The following RNF180 variants were observed in gnomAD, a reference collection of about 807,000 sequenced individuals.
The protein encoded by RNF180 is E3 ubiquitin-protein ligase RNF180.
In RNF180, 38 loss-of-function variants were observed where a neutral mutation model predicts 59.2. The ratio of observed to expected loss-of-function variants is 0.64; its 90% CI spans 0.50 to 0.84. The LOEUF (loss-of-function observed/expected upper bound fraction) is 0.84, where lower values mean the gene tolerates loss of function less well. RNF180 is among the 40% of genes least tolerant of loss of function. The pLI is 0.00. For missense variants in RNF180, 705 were observed against 700.9 expected (o/e 1.01, Z -0.07); for synonymous variants, 262 against 240.3 (o/e 1.09, Z -0.84).
chr5:64,210,488 A>G lies in RNF180; in HGVS notation c.136-1577A>G, dbSNP rs188057863. Among the ~76,000 whole-genome samples, 5 of 152,280 alleles carry G rather than the reference A, an allele frequency of 3.3e-5. No individual in the cohort carries two copies. The East Asian group carries it at 5.8e-4, about 18-fold the overall frequency. On this transcript the variant is annotated intron_variant, in intron 2 of 7. Coordinates refer to ENST00000389100, the MANE Select transcript of RNF180 (RefSeq NM_001113561.2). ...CTTTTGAGGGGGAAAATCTGATAAC[A>G]TCTGTTTATATTTGTATTATGTTGT... is the stretch of plus-strand genomic sequence containing the variant.
chr5:64,283,543 A>C (rs1742121691), intron 5 of RNF180, among the ~76,000 whole-genome samples: 1 of 152,140 alleles, frequency 6.6e-6, no homozygotes, highest in Non-Finnish European at 1.5e-5. Flanking sequence ...GCACATGTCA[A>C]GGGCAGGACC....
chr5:64,235,046 G>A (rs1197997179), intron 5 of RNF180, among the ~76,000 whole-genome samples: 1 of 152,176 alleles, frequency 6.6e-6, no homozygotes. Context: ...GGAGGCCAGG[G>A]CAGGAGGATC....
At chr5:64,237,330 G>T (rs1202771313) in intron 5 of RNF180, among the ~76,000 whole-genome samples, 1 of 152,088 alleles carries the variant, frequency 6.6e-6, no homozygotes, top group East Asian at 1.9e-4. Context: ...CCGGCCAGGT[G>T]TCAGGCTTGT....
intron 1 of RNF180, among the ~76,000 whole-genome samples, chr5:64,179,283 T>C (rs553950281): frequency 6.6e-6 from 1 of 152,298 alleles, no homozygotes; most frequent in Non-Finnish European, 1.5e-5. Flanking sequence ...TCTCACCACT[T>C]AGTATTAGAA....
chr5:64,213,984 G>T lies in RNF180; in HGVS notation c.658G>T (p.Ala220Ser), dbSNP rs747322087. The T allele has an allele frequency of 1.9e-6, 3 of 1,613,948 alleles. No individual in the cohort carries two copies. The highest frequency in any genetic ancestry group is 2.2e-5 in the East Asian group (1 of 44,898). Residue 220 changes from alanine (A) to serine (S), a missense_variant, in exon 4 of 8, where the codon GCT (alanine) becomes TCT (serine). Ala to Ser is a moderately conservative substitution (Grantham distance 99). Coordinates refer to ENST00000389100, the MANE Select transcript of RNF180 (RefSeq NM_001113561.2). Reference sequence around the variant, plus strand: ...TCCCCAGCTTGTGACTGGCAGATGCGCTACAAGAGCTTTTCATAGAAAATC... The same window carrying T: ...TCCCCAGCTTGTGACTGGCAGATGCTCTACAAGAGCTTTTCATAGAAAATC... ...FVPQLVTGRC[A>S]TRAFHRKSHS...
intron 7 of RNF180, among the ~76,000 whole-genome samples, chr5:64,349,530 A>G (rs936241372): frequency 4.0e-5 from 6 of 151,650 alleles, no homozygotes; most frequent in Non-Finnish European, 8.8e-5. Context: ...TGCTGCACCC[A>G]TTAACTCATC....
intron 5 of RNF180, among the ~76,000 whole-genome samples, chr5:64,225,713 C>CAT: frequency 7.6e-6 from 1 of 131,522 alleles, no homozygotes; most frequent in African/African-American, 2.9e-5. Context: ...CCTGGCCGCC[C>CAT]CGTCTGGGAA....
chr5:64,276,338 G>A (rs1196485651), intron 5 of RNF180, among the ~76,000 whole-genome samples: 4 of 147,450 alleles, frequency 2.7e-5, no homozygotes, highest in Non-Finnish European at 4.5e-5. Flanking sequence ...GTGTGTGTGT[G>A]TGTGTGTGTG....
chr5:64,282,755 A>G (rs1329644554), intron 5 of RNF180, among the ~76,000 whole-genome samples: 1 of 152,118 alleles, frequency 6.6e-6, no homozygotes, highest in African/African-American at 2.4e-5. Flanking sequence ...TGTTTTAAAT[A>G]ATTTCTTGAT....
intron 7 of RNF180, among the ~76,000 whole-genome samples, chr5:64,357,342 C>T (rs1746068993): frequency 6.6e-6 from 1 of 151,792 alleles, no homozygotes; most frequent in Non-Finnish European, 1.5e-5. Context: ...CAACTTTTGA[C>T]ATAACAAAAT....
At chr5:64,285,106 TG>T (rs1742212347) in intron 5 of RNF180, among the ~76,000 whole-genome samples, 1 of 152,234 alleles carries the variant, frequency 6.6e-6, no homozygotes. Context: ...TCAGCACTCC[TG>T]GGCTACAAGC....
chr5:64,260,816 A>C (rs1453192859), intron 5 of RNF180, among the ~76,000 whole-genome samples: 1 of 152,106 alleles, frequency 6.6e-6, no homozygotes. Flanking sequence ...GTCTTAAAAG[A>C]CTGTGGTAGG....
chr5:64,204,056 C>A (rs1360007240), intron 2 of RNF180, among the ~76,000 whole-genome samples: 2 of 152,106 alleles, frequency 1.3e-5, no homozygotes, highest in Non-Finnish European at 2.9e-5. Context: ...TATGAACTTT[C>A]TGTAAATGAA....
intron 5 of RNF180, among the ~76,000 whole-genome samples, chr5:64,297,467 G>T (rs1742944205): frequency 6.6e-6 from 1 of 151,332 alleles, no homozygotes; most frequent in Admixed American, 6.6e-5. Flanking sequence ...TTCTTTTTTT[G>T]GTATTTTGTT....
intron 5 of RNF180, among the ~76,000 whole-genome samples, chr5:64,323,644 G>C (rs1033753996): frequency 6.6e-6 from 1 of 152,094 alleles, no homozygotes; most frequent in Admixed American, 6.6e-5. Context: ...CATTCTCAAG[G>C]CTTTAGCAAA....
chr5:64,214,261 G>A lies in RNF180; in HGVS notation c.935G>A (p.Cys312Tyr), dbSNP rs1328647748. The change falls in exon 4 of 8, where the codon TGT (cysteine) becomes TAT (tyrosine). Residue 312 changes from cysteine to tyrosine, a missense_variant. Coordinates refer to ENST00000389100, the MANE Select transcript of RNF180 (RefSeq NM_001113561.2). ...TQTQRGGEFQ[C>Y]GLEAASVYSD... ...ACACAAAGAGGAGGAGAATTTCAGT[G>A]TGGTCTAGAAGCTGCTTCAGTGTAT... The A allele has an allele frequency of 8.1e-6, 13 of 1,613,938 alleles. No individual in the cohort carries two copies. Among genetic ancestry groups the A allele is most frequent in the African/African-American group, 1.3e-5 (1 of 74,906 alleles).
intron 7 of RNF180, among the ~76,000 whole-genome samples, chr5:64,366,928 C>T (rs528734813): frequency 1.3e-5 from 2 of 151,578 alleles, no homozygotes; most frequent in East Asian, 3.9e-4. Context: ...CTCCATGGTA[C>T]ATATGGCCAA....
Position 64,366,629 on chromosome 5 carries a change from A to T in RNF180, c.1580-2986A>T, listed in dbSNP as rs116238034. Among the ~76,000 whole-genome samples the T allele has an allele frequency of 7.6e-3, 1,153 of 151,680 alleles. 14 individuals are homozygous for T. The highest frequency in any genetic ancestry group is 0.025 in the African/African-American group (1,032 of 41,488). Reference sequence around the variant, plus strand: ...AGTAACAGTTTAGATAAAGCAGAAGAAAAAATGTCAGAACTTTAAGACAGG... The same window carrying T: ...AGTAACAGTTTAGATAAAGCAGAAGTAAAAATGTCAGAACTTTAAGACAGG... On this transcript the variant is annotated intron_variant, in intron 7 of 7. Transcript: ENST00000389100.
At chr5:64,284,537 G>A (rs184235708) in intron 5 of RNF180, among the ~76,000 whole-genome samples, 1 of 152,218 alleles carries the variant, frequency 6.6e-6, no homozygotes, top group East Asian at 1.9e-4. Flanking sequence ...CAGAGGTTTT[G>A]TTCATTATTT....
Sources: gnomAD v4.1 joint callset for allele counts (sites outside exome capture counted in the v4.1 genomes callset) on GRCh38, gnomAD v4.1.1 for gene constraint, MANE v1.5 for transcripts, NCBI Gene and HGNC (gene_info 2026-07-23, HGNC 2026-07-21) for gene names.